Variants in CSF2RA observed in about 807,000 individuals in gnomAD.
The protein encoded by CSF2RA is granulocyte-macrophage colony-stimulating factor receptor subunit alpha.
Under a neutral mutation model 51.6 loss-of-function variants are expected in CSF2RA, and 42 were observed. The ratio of observed to expected loss-of-function variants is 0.81; its 90% confidence interval spans 0.64 to 1.05. CSF2RA has a LOEUF of 1.05. Ranked by LOEUF, CSF2RA falls within the 50% of genes least tolerant of loss-of-function variation. The pLI is 0.00. For synonymous variants in CSF2RA, 222 were observed against 193.0 expected (o/e 1.15, Z -1.24); for missense variants, 530 against 501.1 (o/e 1.06, Z -0.55).
chrX:1,287,591 C>CCA (rs1196921276), intron 4 of CSF2RA, among the ~76,000 whole-genome samples: 2 of 143,672 alleles, frequency 1.4e-5, no homozygotes, highest in Non-Finnish European at 3.0e-5. Flanking sequence ...TTACAGGTGC[C>CCA]CACCACCACA....
intron 1 of CSF2RA, 72 bp from the exon 2 acceptor site, chrX:1,274,683 G>A: frequency 2.2e-6 from 1 of 450,338 alleles, no homozygotes; most frequent in Admixed American, 2.4e-5. Context: ...ATGCGAGGCA[G>A]GTTTGCCTAA....
chrX:1,316,970 G>A, the CSF2RA span, among the ~76,000 whole-genome samples: 72,915 of 151,860 alleles, frequency 0.48, 18,182 homozygotes, highest in Non-Finnish European at 0.55. Context: ...TTATTGAGAC[G>A]GACTCTCACT....
At chrX:1,283,909 CG>C (rs2090340169) in intron 3 of CSF2RA, among the ~76,000 whole-genome samples, 1 of 151,996 alleles carries the variant, frequency 6.6e-6, no homozygotes, top group East Asian at 1.9e-4. Context: ...TTGTGACTGG[CG>C]TGGAATGATA....
intron 2 of CSF2RA, among the ~76,000 whole-genome samples, chrX:1,278,991 G>C (rs2089554555): frequency 6.6e-6 from 1 of 151,420 alleles, no homozygotes; most frequent in Non-Finnish European, 1.5e-5. Context: ...GAGCCGAGAT[G>C]GCGCCACTGT....
At position 1,294,368 on chromosome X, in the gene CSF2RA, C is replaced by A. The variant is rs753365322; in HGVS notation, c.687C>A (p.Asn229Lys). 6.2e-7 allele frequency: 1 copy of A among 1,613,824 alleles called. No individual in the cohort carries two copies. The highest frequency in any genetic ancestry group is 2.2e-5 in the East Asian group (1 of 44,872). The change falls in exon 8 of 13, where the codon AAC becomes AAA. Residue 229 changes from asparagine to lysine, a missense_variant. Transcript: ENST00000381529. Reference sequence around the variant, plus strand: ...CCAGCAATGTCACCGTACGTTGCAACACGACGCACTGCCTCGTACGGTGGA... The same window carrying A: ...CCAGCAATGTCACCGTACGTTGCAAAACGACGCACTGCCTCGTACGGTGGA... ...NPPSNVTVRC[N>K]TTHCLVRWKQ...
At chrX:1,277,956 A>G (rs28833530) in intron 2 of CSF2RA, among the ~76,000 whole-genome samples, 30,721 of 140,032 alleles carry the variant, frequency 0.22, 3,928 homozygotes, top group East Asian at 0.32. Context: ...CAGCCTGGGC[A>G]ACAGAATGAG....
the CSF2RA span, among the ~76,000 whole-genome samples, chrX:1,317,470 C>T: frequency 7.0e-3 from 1,051 of 150,398 alleles, 9 homozygotes; most frequent in African/African-American, 0.025. Flanking sequence ...AGGCTGGTCT[C>T]GAACTCCTGA....
intron 2 of CSF2RA, among the ~76,000 whole-genome samples, chrX:1,277,351 A>G (rs1370951133): frequency 2.6e-5 from 4 of 151,610 alleles, no homozygotes; most frequent in African/African-American, 9.7e-5. Flanking sequence ...TAATCCCAGC[A>G]CCTTGGGAGG....
chrX:1,321,622 G>A, the CSF2RA span, among the ~76,000 whole-genome samples: 541 of 152,050 alleles, frequency 3.6e-3, 6 homozygotes, highest in African/African-American at 0.013. Flanking sequence ...ACACGCTTGG[G>A]GGTTAACTTA....
At chrX:1,324,368 A>G in the CSF2RA span, among the ~76,000 whole-genome samples, 1 of 148,638 alleles carries the variant, frequency 6.7e-6, no homozygotes, top group South Asian at 2.1e-4. Flanking sequence ...AAGAGAAAGG[A>G]AAGAAAGAGA....
chrX:1,308,384 G>C (rs1163028657), intron 12 of CSF2RA, among the ~76,000 whole-genome samples: 1 of 152,106 alleles, frequency 6.6e-6, no homozygotes, highest in Non-Finnish European at 1.5e-5. Context: ...GGGGAGGAAA[G>C]AGAGACAGAG....
chrX:1,279,774 A>G (rs1240271715), intron 2 of CSF2RA, among the ~76,000 whole-genome samples: 2 of 80,566 alleles, frequency 2.5e-5, no homozygotes, highest in African/African-American at 9.0e-5. Flanking sequence ...GAGAGACACA[A>G]CCGTTTTTTT....
chrX:1,301,047 G>A (rs2092332059), intron 10 of CSF2RA, among the ~76,000 whole-genome samples: 1 of 151,782 alleles, frequency 6.6e-6, no homozygotes, highest in Admixed American at 6.6e-5. Flanking sequence ...CAGCTACTCG[G>A]GAGGCTGAGG....
downstream of CSF2RA, among the ~76,000 whole-genome samples, chrX:1,311,826 C>A (rs2148741362): frequency 6.6e-6 from 1 of 152,262 alleles, no homozygotes; most frequent in African/African-American, 2.4e-5. Context: ...GACGGAAATT[C>A]ATTTCCCTCC....
intron 7 of CSF2RA, among the ~76,000 whole-genome samples, chrX:1,292,937 C>T (rs2091539854): frequency 6.6e-6 from 1 of 152,144 alleles, no homozygotes; most frequent in African/African-American, 2.4e-5. Context: ...CAGACAATAC[C>T]CGGGCTCTCT....
At chrX:1,303,531 T>C (rs544541378) in intron 10 of CSF2RA, among the ~76,000 whole-genome samples, 1 of 151,200 alleles carries the variant, frequency 6.6e-6, no homozygotes, top group Admixed American at 6.6e-5. Context: ...TGAGCCACCG[T>C]GCCTGGCCCA....
In CSF2RA at chrX:1,305,454, G is replaced by A; in HGVS notation, c.1052G>A (p.Arg351Lys). The A allele has an allele frequency of 1.2e-6, 2 of 1,613,982 alleles. No homozygotes were observed. The highest frequency in any genetic ancestry group is 1.7e-6 in the Non-Finnish European group (2 of 1,179,876). The change falls in exon 12 of 13, where the codon AGG becomes AAG. Residue 351 changes from arginine to lysine, a missense_variant. Transcript: ENST00000381529. ...VLGFLFKRFL[R>K]IQRLFPPVPQ... is the part of the protein sequence containing the mutation. ...TTTTCTCTGTGTCTCAGGTTCCTTA[G>A]GATACAGCGGCTGTTCCCGCCAGTT...
At chrX:1,301,137 C>T (rs1260351013) in intron 10 of CSF2RA, among the ~76,000 whole-genome samples, 5 of 122,124 alleles carry the variant, frequency 4.1e-5, no homozygotes, top group African/African-American at 6.2e-5. Flanking sequence ...TGGGTGACAG[C>T]GTGAGACTCC....
chrX:1,323,757 G>A, the CSF2RA span, among the ~76,000 whole-genome samples: 1 of 151,986 alleles, frequency 6.6e-6, no homozygotes, highest in Non-Finnish European at 1.5e-5. Context: ...GCTCACGCCT[G>A]TAATCCCAGC....
Sources: allele counts gnomAD v4.1 joint callset (sites outside exome capture counted in the v4.1 genomes callset), GRCh38; gene constraint gnomAD v4.1.1; transcripts MANE v1.5; gene names NCBI Gene and HGNC (gene_info 2026-07-23, HGNC 2026-07-21).